Variants in TSNARE1 observed in about 807,000 individuals in gnomAD.
The protein encoded by TSNARE1 is t-SNARE domain containing 1.
Under a neutral mutation model 62.0 loss-of-function variants are expected in TSNARE1, and 49 were observed. The ratio of observed to expected loss-of-function variants is 0.79; its 90% CI spans 0.63 to 1.00. The LOEUF (loss-of-function observed/expected upper bound fraction) is 1.00. Ranked by LOEUF, TSNARE1 falls within the 50% of genes least tolerant of loss-of-function variation. The pLI, the probability that TSNARE1 is intolerant of heterozygous loss-of-function variation, is 0.00. For missense variants in TSNARE1, 755 were observed against 700.1 expected (o/e 1.08, Z -0.88); for synonymous variants, 328 against 294.4 (o/e 1.11, Z -1.17).
At chr8:142,282,740 TCTAAGGG>T (rs1821813233) in intron 11 of TSNARE1, among the ~76,000 whole-genome samples, 3 of 141,802 alleles carry the variant, frequency 2.1e-5, no homozygotes, top group South Asian at 2.2e-4. Flanking sequence ...CCACTGTCTG[TCTAAGGG>T]CAAAGGCGGG....
At position 142,273,287 on chromosome 8, in the gene TSNARE1, G is replaced by A. The variant is rs558308471; in HGVS notation, c.1446+1494C>T. On this transcript the variant is annotated intron_variant, in intron 12 of 13. Transcript: ENST00000524325. ...GGTGATCCCAGGGTGCTCAGGAGGG[G>A]TCATCTTGCTGGCTGGCTTTCCTCT... 10 of 985,446 alleles carry A rather than the reference G, an allele frequency of 1.0e-5. No individual in the cohort carries two copies. In the South Asian group the frequency reaches 2.3e-4, roughly 23 times the overall value. 61.0% of individuals were successfully genotyped at this position (985,446 alleles called of 1,614,324 possible). A position where few individuals can be genotyped will look rare whatever the true frequency, so the allele number is the denominator to read the frequency against.
intron 12 of TSNARE1, among the ~76,000 whole-genome samples, chr8:142,246,194 G>C (rs1441715861): frequency 6.6e-6 from 1 of 152,122 alleles, no homozygotes; most frequent in East Asian, 1.9e-4. Context: ...GGCCAGCCCT[G>C]GGAGGGCAGA....
intron 1 of TSNARE1, among the ~76,000 whole-genome samples, chr8:142,392,737 T>G (rs1837620008): frequency 6.6e-6 from 1 of 152,062 alleles, no homozygotes; most frequent in Non-Finnish European, 1.5e-5. Flanking sequence ...GAGTTTGAGT[T>G]TGAGACCACG....
chr8:142,271,627 G>C lies in TSNARE1; in HGVS notation c.1446+3154C>G, dbSNP rs1249406445. On this transcript the variant is annotated intron_variant, in intron 12 of 13. Coordinates refer to ENST00000524325, the MANE Select transcript of TSNARE1 (RefSeq NM_145003.5). ...AGTCCAGGGGGTCAGGTTCAGGCAG[G>C]CTGGGCCCTTCCAGGGACCTCAGGG... 5.6e-6 allele frequency: 8 copies of C among 1,429,150 alleles called. No homozygotes were observed. In the Middle Eastern group the frequency reaches 5.4e-4, roughly 97 times the overall value. The allele number at this position is 1,429,150 out of a possible 1,614,324, so 88.5% of individuals were successfully genotyped here.
chr8:142,374,064 G>A (rs868550091), intron 1 of TSNARE1, among the ~76,000 whole-genome samples: 3 of 152,226 alleles, frequency 2.0e-5, no homozygotes, highest in Non-Finnish European at 4.4e-5. Flanking sequence ...AGCACTTTGA[G>A]AGGCTGAAGC....
chr8:142,401,221 A>G (rs1209276952), intron 1 of TSNARE1, among the ~76,000 whole-genome samples: 1 of 152,022 alleles, frequency 6.6e-6, no homozygotes, highest in Non-Finnish European at 1.5e-5. Flanking sequence ...TTTATTCATC[A>G]AAACCTGCTA....
intron 4 of TSNARE1, among the ~76,000 whole-genome samples, chr8:142,341,395 G>A (rs1030265011): frequency 3.9e-5 from 6 of 152,252 alleles, no homozygotes; most frequent in African/African-American, 1.4e-4. Context: ...TGAGCATGGA[G>A]AGGAGTAAAG....
At chr8:142,396,234 AACACAC>A (rs144100549) in intron 1 of TSNARE1, among the ~76,000 whole-genome samples, 3 of 151,348 alleles carry the variant, frequency 2.0e-5, no homozygotes, top group African/African-American at 4.9e-5. Flanking sequence ...GATAAACACA[AACACAC>A]ACACACACAC....
At chr8:142,302,399 C>A (rs1302548523) in intron 9 of TSNARE1, among the ~76,000 whole-genome samples, 1 of 152,160 alleles carries the variant, frequency 6.6e-6, no homozygotes, top group Non-Finnish European at 1.5e-5. Flanking sequence ...GGGGGCTGTG[C>A]CGGTCCCGAT....
intron 12 of TSNARE1, among the ~76,000 whole-genome samples, chr8:142,254,802 C>T (rs1009125275): frequency 2.0e-5 from 3 of 152,184 alleles, no homozygotes; most frequent in Non-Finnish European, 4.4e-5. Context: ...GTGCTGCAGG[C>T]GGCTGCTGGG....
intron 11 of TSNARE1, among the ~76,000 whole-genome samples, chr8:142,283,810 GGAGGTGGGGCCAGTGTCTGTCAATGAGCA>G (rs1822192619): frequency 1.7e-5 from 2 of 119,138 alleles, no homozygotes; most frequent in Admixed American, 1.6e-4. Flanking sequence ...GTCAATGAGC[GGAGGTGGGGCCAGTGTCTGTCAATGAGCA>G]GAGGCAGGGT....
At chr8:142,270,455 C>G (rs1819422637) in intron 12 of TSNARE1, 1 of 980,512 alleles carries the variant, frequency 1.0e-6, no homozygotes, top group South Asian at 4.8e-5. Context: ...CATCCCAGCC[C>G]CATACAGTAC....
chr8:142,321,472 A>G (rs562796424), intron 6 of TSNARE1, among the ~76,000 whole-genome samples: 78 of 152,352 alleles, frequency 5.1e-4, no homozygotes, highest in Non-Finnish European at 7.1e-4. Flanking sequence ...CAGAGATAAT[A>G]AAGGTAAGTT....
At chr8:142,377,111 G>A (rs532970411) in intron 1 of TSNARE1, among the ~76,000 whole-genome samples, 9 of 152,302 alleles carry the variant, frequency 5.9e-5, no homozygotes, top group Middle Eastern at 3.4e-3. Context: ...CCAAGAGCAC[G>A]TCCCCTCATG....
At chr8:142,402,046 C>CTG (rs1838328820) in intron 1 of TSNARE1, among the ~76,000 whole-genome samples, 1 of 152,076 alleles carries the variant, frequency 6.6e-6, no homozygotes, top group African/African-American at 2.4e-5. Flanking sequence ...ACAAGAAATA[C>CTG]TGTAGGGAGA....
intron 12 of TSNARE1, among the ~76,000 whole-genome samples, chr8:142,254,875 G>T (rs1241201280): frequency 5.3e-5 from 8 of 152,184 alleles, no homozygotes; most frequent in African/African-American, 9.7e-5. Flanking sequence ...GGGCTCTGGT[G>T]CTGAAGCTGC....
intron 1 of TSNARE1, among the ~76,000 whole-genome samples, chr8:142,383,113 C>T (rs1836884384): frequency 6.6e-6 from 1 of 152,124 alleles, no homozygotes; most frequent in African/African-American, 2.4e-5. Context: ...AAGAAGAGCC[C>T]CGTCATGCAG....
chr8:142,282,750 A>G (rs1176536232), intron 11 of TSNARE1, among the ~76,000 whole-genome samples: 5 of 89,706 alleles, frequency 5.6e-5, no homozygotes, highest in Non-Finnish European at 6.8e-5. Flanking sequence ...TCTAAGGGCA[A>G]AGGCGGGGTC....
rs968770280 is a variant in TSNARE1, at chr8:142,331,658, A to AG, written c.823+95dup. The AG allele has an allele frequency of 7.0e-5, 85 of 1,212,976 alleles. No homozygotes were observed. In the African/African-American group the frequency reaches 1.1e-3, roughly 16 times the overall value. The allele number at this position is 1,212,976 out of a possible 1,614,324, so 75.1% of individuals were successfully genotyped here. The stretch of plus-strand genomic sequence containing the variant: ...CGGGACTGCACCGCAGGATGGCCTG[A>AG]GGGGGGAAGCCATCCAGCACCCTCG... On this transcript the variant is annotated intron_variant, in intron 5 of 13. Transcript: ENST00000524325.
Sources: gnomAD v4.1 joint callset for allele counts (sites outside exome capture counted in the v4.1 genomes callset) on GRCh38, gnomAD v4.1.1 for gene constraint, MANE v1.5 for transcripts, NCBI Gene and HGNC (gene_info 2026-07-23, HGNC 2026-07-21) for gene names.